RACGAP1: variants seen among roughly 807,000 people sequenced by gnomAD.
RACGAP1 encodes the protein rac GTPase-activating protein 1.
Under a neutral mutation model 78.1 loss-of-function variants are expected in RACGAP1, and 30 were observed. That is an observed-to-expected ratio of 0.38 (90% CI 0.29 to 0.52). The LOEUF (loss-of-function observed/expected upper bound fraction) is 0.52. RACGAP1 is among the 20% of genes least tolerant of loss of function. The pLI, the probability that RACGAP1 is intolerant of heterozygous loss-of-function variation, is 0.82. For missense variants in RACGAP1, 587 were observed against 777.1 expected, an observed-to-expected ratio of 0.76 and a Z score of 2.91; for synonymous variants, 231 against 264.8, an observed-to-expected ratio of 0.87 and a Z score of 1.24.
At chr12:50,018,553 G>C (rs1228832253) in intron 1 of RACGAP1, 16 of 1,288,714 alleles carry the variant, frequency 1.2e-5, no homozygotes, top group Non-Finnish European at 1.6e-5. Flanking sequence ...GCAGGACATT[G>C]GGTAGTCAAT....
At chr12:50,027,582 C>T (rs530300329), upstream of RACGAP1, among the ~76,000 whole-genome samples, 7 of 152,246 alleles carry the variant, frequency 4.6e-5, no homozygotes, top group Admixed American at 3.9e-4. Context: ...AATCCCAGCA[C>T]TTTGGGAAGC....
chr12:50,019,176 A>G (rs1393042635), intron 1 of RACGAP1, among the ~76,000 whole-genome samples: 1 of 152,072 alleles, frequency 6.6e-6, no homozygotes, highest in Non-Finnish European at 1.5e-5. Context: ...TGTATCTACC[A>G]TACCCACCCC....
In RACGAP1 at chr12:49,992,907, C is replaced by G. The variant is rs111288295; in HGVS notation, c.1340-252G>C. Among the ~76,000 whole-genome samples the G allele has an allele frequency of 9.0e-3, 1,367 of 152,304 alleles. 22 individuals carry two copies. The highest frequency in any genetic ancestry group is 0.031 in the African/African-American group (1,304 of 41,552). On this transcript the variant is annotated intron_variant, in intron 12 of 16. Transcript: ENST00000312377. ...GTTGGCAACTGATGTGCTAGGCAGA[C>G]AGGCATACAATTGCAGTGACTACAA... is the stretch of plus-strand genomic sequence containing the variant.
At chr12:50,019,324 G>A (rs1206146019) in intron 1 of RACGAP1, among the ~76,000 whole-genome samples, 1 of 152,062 alleles carries the variant, frequency 6.6e-6, no homozygotes, top group Non-Finnish European at 1.5e-5. Flanking sequence ...ATTCTGCCCT[G>A]TGTCCCAGCT....
At chr12:49,996,555 G>A (rs572994135) in intron 10 of RACGAP1, among the ~76,000 whole-genome samples, 133 of 137,194 alleles carry the variant, frequency 9.7e-4, no homozygotes, top group African/African-American at 3.5e-3. Context: ...CAAGAAAATC[G>A]CTTGAGCCCA....
In RACGAP1 at chr12:49,990,187, T is replaced by C; in HGVS notation, c.*81A>G. 1 of 1,217,092 alleles carries C rather than the reference T, an allele frequency of 8.2e-7. No homozygotes were observed. Among genetic ancestry groups the C allele is most frequent in the South Asian group, 1.2e-5 (1 of 81,948 alleles). 75.4% of individuals were successfully genotyped at this position (1,217,092 alleles called of 1,614,324 possible). A position where few individuals can be genotyped will look rare whatever the true frequency, so the allele number is the denominator to read the frequency against. On this transcript the variant is annotated 3_prime_UTR_variant, in exon 17 of 17. Coordinates refer to ENST00000312377, the MANE Select transcript of RACGAP1 (RefSeq NM_001319999.2). ...GGAGAATGCTAAAAGTAGTAATGAGTACAGGAGGCTGCAGAGCAGAGTACA... is the reference window on the plus strand; with the variant it reads ...GGAGAATGCTAAAAGTAGTAATGAGCACAGGAGGCTGCAGAGCAGAGTACA...
At chr12:50,021,237 A>T (rs1949989374) in intron 1 of RACGAP1, 5 of 502,142 alleles carry the variant, frequency 1.0e-5, no homozygotes, top group South Asian at 8.6e-5. Context: ...TGCAGCTGTA[A>T]AACAGCTGTC....
At chr12:50,025,032 C>G (rs150430185) in intron 1 of RACGAP1, among the ~76,000 whole-genome samples, 161 of 152,148 alleles carry the variant, frequency 1.1e-3, no homozygotes, top group African/African-American at 3.3e-3. Context: ...CTCTCAAACA[C>G]CAGGGCTCTT....
At chr12:50,011,732 G>GATCATGA (rs1949344283) in intron 2 of RACGAP1, among the ~76,000 whole-genome samples, 1 of 152,008 alleles carries the variant, frequency 6.6e-6, no homozygotes, top group Non-Finnish European at 1.5e-5. Flanking sequence ...GAGGCAGGAG[G>GATCATGA]ATCATGAGGT....
intron 2 of RACGAP1, among the ~76,000 whole-genome samples, chr12:50,012,559 C>T (rs1334308357): frequency 6.7e-6 from 1 of 149,762 alleles, no homozygotes; most frequent in East Asian, 2.0e-4. Flanking sequence ...GAAACTCCAT[C>T]TCAAAAAAAT....
At chr12:50,001,448 T>A (rs888435464) in intron 6 of RACGAP1, among the ~76,000 whole-genome samples, 196 bp from the exon 7 acceptor site, 11 of 152,176 alleles carry the variant, frequency 7.2e-5, no homozygotes, top group African/African-American at 2.7e-4. Flanking sequence ...GAATATGTTG[T>A]ACAAAAATGC....
rs1947682449 is a variant in RACGAP1 at position 49,989,164 on chromosome 12, C to T, written c.*1104G>A. 1 of 152,156 alleles carries T rather than the reference C, an allele frequency of 6.6e-6. No individual in the cohort carries two copies. The highest frequency in any genetic ancestry group is 2.1e-4 in the South Asian group (1 of 4,824). 9.4% of individuals were successfully genotyped at this position (152,156 alleles called of 1,614,324 possible). Reference sequence around the variant, plus strand: ...AAGACAAGAAAACCAGCCTCATGTTCATTTTGAAAAAGCTATTTACTTTTT... The same window carrying T: ...AAGACAAGAAAACCAGCCTCATGTTTATTTTGAAAAAGCTATTTACTTTTT... On this transcript the variant is annotated 3_prime_UTR_variant, in exon 17 of 17. Transcript: ENST00000312377.
At chr12:50,027,285 T>C (rs1026755053), upstream of RACGAP1, among the ~76,000 whole-genome samples, 20 of 152,208 alleles carry the variant, frequency 1.3e-4, no homozygotes, top group Admixed American at 9.8e-4. Context: ...TGCATTAGCC[T>C]GTGCCTGCTT....
chr12:49,996,572 C>T (rs1286304679), intron 10 of RACGAP1, among the ~76,000 whole-genome samples: 2 of 121,866 alleles, frequency 1.6e-5, no homozygotes, highest in African/African-American at 3.1e-5. Context: ...CCCAGGGGGG[C>T]GGAGGTTGCA....
intron 2 of RACGAP1, among the ~76,000 whole-genome samples, chr12:50,008,062 C>G (rs1443354608): frequency 6.9e-6 from 1 of 144,772 alleles, no homozygotes; most frequent in African/African-American, 2.6e-5. Flanking sequence ...CTTTAGGATA[C>G]TCCTTTTATT....
At position 50,001,048 on chromosome 12, in the gene RACGAP1, C is replaced by CA. The variant is rs1948643234; in HGVS notation, c.630+123dup. ...GGGCTACAAGAACAAAACTCTGTCTCAAAAAACAAACAAAAACTTTAACTA... is the reference window on the plus strand; with the variant it reads ...GGGCTACAAGAACAAAACTCTGTCTCAAAAAAACAAACAAAAACTTTAACTA... On this transcript the variant is annotated intron_variant, in intron 7 of 16. Transcript: ENST00000312377. 14 of 825,460 alleles carry CA rather than the reference C, an allele frequency of 1.7e-5. No individual in the cohort carries two copies. The South Asian group carries it at 2.0e-4, about 12-fold the overall frequency. The allele number at this position is 825,460 out of a possible 1,614,324, so 51.1% of individuals were successfully genotyped here.
At chr12:50,005,529 A>G in intron 3 of RACGAP1, 137 bp from the exon 4 acceptor site, 1 of 900,950 alleles carries the variant, frequency 1.1e-6, no homozygotes, top group Middle Eastern at 2.4e-4. Flanking sequence ...TGCTACACCA[A>G]TAGCATATTA....
chr12:50,023,234 T>C (rs1950099967), intron 1 of RACGAP1, among the ~76,000 whole-genome samples: 1 of 152,220 alleles, frequency 6.6e-6, no homozygotes, highest in African/African-American at 2.4e-5. Context: ...TATATTAGGG[T>C]GTAAAAACAT....
intron 2 of RACGAP1, among the ~76,000 whole-genome samples, chr12:50,031,276 A>G (rs1950330868): frequency 6.7e-6 from 1 of 149,692 alleles, no homozygotes; most frequent in Non-Finnish European, 1.5e-5. Flanking sequence ...CAGGAGTTCA[A>G]GACCAGCCTG....
Sources: allele counts gnomAD v4.1 joint callset (sites outside exome capture counted in the v4.1 genomes callset), GRCh38; gene constraint gnomAD v4.1.1; transcripts MANE v1.5; gene names NCBI Gene and HGNC (gene_info 2026-07-23, HGNC 2026-07-21).